Variants in LTBP1 observed in about 807,000 individuals in gnomAD.
The protein encoded by LTBP1 is latent-transforming growth factor beta-binding protein 1.
LTBP1 carries 129 observed loss-of-function variants against 207.6 expected under a neutral mutation model. The ratio of observed to expected loss-of-function variants is 0.62; its 90% CI spans 0.54 to 0.72. The LOEUF is 0.72. LTBP1 is among the 30% of genes least tolerant of loss of function. The pLI, the probability that LTBP1 is intolerant of heterozygous loss-of-function variation, is 0.00. For missense variants in LTBP1, 2,281 were observed against 2,217.2 expected, an observed-to-expected ratio of 1.03 and a Z score of -0.58; for synonymous variants, 963 against 833.7, an observed-to-expected ratio of 1.16 and a Z score of -2.67.
intron 5 of LTBP1, among the ~76,000 whole-genome samples, chr2:33,158,798 T>C (rs1228704429): frequency 6.6e-6 from 1 of 152,210 alleles, no homozygotes; most frequent in Non-Finnish European, 1.5e-5. Flanking sequence ...TCTCCACTCC[T>C]CTCCCTTTTC....
chr2:33,114,539 G>A (rs2080620924), intron 4 of LTBP1, among the ~76,000 whole-genome samples: 1 of 152,138 alleles, frequency 6.6e-6, no homozygotes, highest in African/African-American at 2.4e-5. Flanking sequence ...TCTAGCAGCT[G>A]TCCTTCATTC....
chr2:32,989,124 C>G (rs1003978787), intron 2 of LTBP1, among the ~76,000 whole-genome samples: 2 of 152,118 alleles, frequency 1.3e-5, no homozygotes, highest in South Asian at 4.1e-4. Flanking sequence ...TTATTGAACT[C>G]TGATATTCTT....
chr2:33,159,017 G>T (rs2148053144), intron 5 of LTBP1, among the ~76,000 whole-genome samples: 1 of 152,310 alleles, frequency 6.6e-6, no homozygotes, highest in Admixed American at 6.5e-5. Context: ...TACCTATCGT[G>T]ATTCTGTGTC....
intron 3 of LTBP1, among the ~76,000 whole-genome samples, chr2:33,023,772 A>G (rs1164627356): frequency 1.3e-5 from 2 of 152,246 alleles, no homozygotes; most frequent in Admixed American, 6.5e-5. Flanking sequence ...ATACAAAGCT[A>G]TAGAATTAGC....
At chr2:33,160,893 GCAC>G (rs1473984245) in intron 5 of LTBP1, among the ~76,000 whole-genome samples, 1 of 152,166 alleles carries the variant, frequency 6.6e-6, no homozygotes, top group African/African-American at 2.4e-5. Context: ...GGAGAGTGCA[GCAC>G]CTACCCTATA....
intron 15 of LTBP1, among the ~76,000 whole-genome samples, chr2:33,269,667 G>T (rs571087064): frequency 6.6e-6 from 1 of 152,278 alleles, no homozygotes; most frequent in African/African-American, 2.4e-5. Context: ...TTTGCTCAAA[G>T]AATCATATTC....
intron 13 of LTBP1, among the ~76,000 whole-genome samples, chr2:33,260,005 G>A (rs546985266): frequency 8.5e-5 from 13 of 152,312 alleles, no homozygotes; most frequent in African/African-American, 3.1e-4. Context: ...TATATAGTTA[G>A]TGAAGTACTT....
intron 9 of LTBP1, among the ~76,000 whole-genome samples, chr2:33,234,157 C>CA (rs2091927105): frequency 6.6e-6 from 1 of 152,154 alleles, no homozygotes; most frequent in East Asian, 1.9e-4. Context: ...TGAAAATATC[C>CA]ATTGATGTTT....
chr2:33,090,750 G>T (rs2079037196), intron 3 of LTBP1, among the ~76,000 whole-genome samples: 1 of 152,124 alleles, frequency 6.6e-6, no homozygotes, highest in Non-Finnish European at 1.5e-5. Context: ...CATACAGAGA[G>T]AATTCTGACC....
intron 5 of LTBP1, among the ~76,000 whole-genome samples, chr2:33,163,388 C>T (rs1046070717): frequency 5.9e-5 from 9 of 152,092 alleles, no homozygotes; most frequent in African/African-American, 9.7e-5. Flanking sequence ...TGATATTAAA[C>T]GTGGTAAGAC....
intron 4 of LTBP1, among the ~76,000 whole-genome samples, chr2:33,130,710 G>A (rs1210236441): frequency 6.6e-6 from 1 of 151,934 alleles, no homozygotes; most frequent in Admixed American, 6.6e-5. Context: ...ATTTGCACAG[G>A]GTCTGGCAGA....
chr2:32,950,363 C>G (rs929197699), intron 2 of LTBP1, among the ~76,000 whole-genome samples: 1 of 152,012 alleles, frequency 6.6e-6, no homozygotes, highest in South Asian at 2.1e-4. Context: ...TCGAGACCAG[C>G]CTGGGCAGCA....
intron 15 of LTBP1, among the ~76,000 whole-genome samples, chr2:33,266,472 G>A (rs1284658749): frequency 6.6e-6 from 1 of 152,146 alleles, no homozygotes; most frequent in Admixed American, 6.5e-5. Flanking sequence ...GAAGCCTGGG[G>A]GCCAGGCTGC....
Position 33,309,698 on chromosome 2 carries a change from T to G in LTBP1, c.3604+142T>G, listed in dbSNP as rs550189754. On this transcript the variant is annotated intron_variant, in intron 23 of 33. Transcript: ENST00000404816. The stretch of plus-strand genomic sequence containing the variant: ...ATTTTTGATATTAAAATAGCTGTCT[T>G]GGGTCCACATCAAGTGCAGGAAGGT... 5.2e-5 allele frequency: 49 copies of G among 946,380 alleles called. No individual in the cohort carries two copies. The South Asian group carries it at 5.5e-4, about 11-fold the overall frequency. The allele number at this position is 946,380 out of a possible 1,614,324, so 58.6% of individuals were successfully genotyped here. A position where few individuals can be genotyped will look rare whatever the true frequency, so the allele number is the denominator to read the frequency against.
intron 24 of LTBP1, among the ~76,000 whole-genome samples, chr2:33,332,245 A>C (rs2094502112): frequency 6.6e-6 from 1 of 151,762 alleles, no homozygotes; most frequent in Admixed American, 6.6e-5. Context: ...TTTTAAGAGT[A>C]ACATAAGCCA....
At chr2:33,334,385 TAAA>T (rs2094531287) in intron 24 of LTBP1, among the ~76,000 whole-genome samples, 1 of 152,232 alleles carries the variant, frequency 6.6e-6, no homozygotes, top group Non-Finnish European at 1.5e-5. Context: ...TTTCATTAGG[TAAA>T]TTATTCTGTC....
At chr2:32,962,817 G>A (rs1350279156) in intron 2 of LTBP1, among the ~76,000 whole-genome samples, 2 of 152,232 alleles carry the variant, frequency 1.3e-5, no homozygotes, top group East Asian at 3.8e-4. Flanking sequence ...GCTCCGCCTG[G>A]GAACTTGTTA....
chr2:33,066,992 A>T (rs2077541499), intron 3 of LTBP1, among the ~76,000 whole-genome samples: 1 of 151,996 alleles, frequency 6.6e-6, no homozygotes, highest in South Asian at 2.1e-4. Flanking sequence ...ACTAGACAGA[A>T]CCCATTTCTA....
chr2:33,338,791 TAAAGACCGTAGGTTTTC>T (rs969137348), intron 24 of LTBP1, among the ~76,000 whole-genome samples: 11 of 152,258 alleles, frequency 7.2e-5, no homozygotes, highest in African/African-American at 2.2e-4. Context: ...CATGAAAAAT[TAAAGACCGTAGGTTTTC>T]AAAGACCTCT....
Sources: gnomAD v4.1 joint callset for allele counts (sites outside exome capture counted in the v4.1 genomes callset) on GRCh38, gnomAD v4.1.1 for gene constraint, MANE v1.5 for transcripts, NCBI Gene and HGNC (gene_info 2026-07-23, HGNC 2026-07-21) for gene names.